The following PPM1L variants were observed in gnomAD, a reference collection of about 807,000 sequenced individuals.
PPM1L encodes protein phosphatase, Mg2+/Mn2+ dependent 1L.
PPM1L carries 13 observed loss-of-function variants against 31.4 expected under a neutral mutation model. That is an observed-to-expected ratio of 0.41 (90% confidence interval 0.27 to 0.66). PPM1L has a LOEUF of 0.66. Ranked by LOEUF, PPM1L falls within the 30% of genes least tolerant of loss-of-function variation. The probability of loss-of-function intolerance (pLI) is 0.29; values close to 1 mark genes in which losing one functional copy is unlikely to be tolerated. For missense variants in PPM1L, 326 were observed against 453.7 expected, an observed-to-expected ratio of 0.72 and a Z score of 2.56; for synonymous variants, 184 against 175.4, an observed-to-expected ratio of 1.05 and a Z score of -0.39.
chr3:160,811,196 G>A (rs146485733), intron 1 of PPM1L, among the ~76,000 whole-genome samples: 120 of 152,334 alleles, frequency 7.9e-4, no homozygotes, highest in Non-Finnish European at 1.5e-3. Flanking sequence ...GTCTAAGTAC[G>A]GGGCCACTTT....
intron 2 of PPM1L, among the ~76,000 whole-genome samples, chr3:161,013,996 T>C (rs1717985652): frequency 6.6e-6 from 1 of 152,238 alleles, no homozygotes; most frequent in Non-Finnish European, 1.5e-5. Context: ...TCTGTGTCTT[T>C]TAATTGGAGC....
chr3:160,813,366 G>A (rs1217007329), intron 1 of PPM1L, among the ~76,000 whole-genome samples: 2 of 151,828 alleles, frequency 1.3e-5, no homozygotes, highest in African/African-American at 4.8e-5. Flanking sequence ...TTGAGACAGA[G>A]CCTCACTCTG....
intron 2 of PPM1L, among the ~76,000 whole-genome samples, chr3:161,037,412 C>CTTT (rs59883046): frequency 0.013 from 1,323 of 99,430 alleles, 55 homozygotes; most frequent in Non-Finnish European, 0.017. Context: ...CCTACTTGAG[C>CTTT]TTTTTTTTTT....
At chr3:160,784,403 C>T (rs1405602342) in intron 1 of PPM1L, among the ~76,000 whole-genome samples, 1 of 152,092 alleles carries the variant, frequency 6.6e-6, no homozygotes, top group Non-Finnish European at 1.5e-5. Context: ...CATCTTCTAC[C>T]ATATGAATAG....
chr3:160,940,254 A>G (rs2108086706), intron 1 of PPM1L, among the ~76,000 whole-genome samples: 1 of 152,306 alleles, frequency 6.6e-6, no homozygotes, highest in East Asian at 1.9e-4. Flanking sequence ...CATTTGGAAA[A>G]TTTGGAGCCT....
chr3:160,853,994 C>A (rs1412621564), intron 1 of PPM1L, among the ~76,000 whole-genome samples: 2 of 152,262 alleles, frequency 1.3e-5, no homozygotes, highest in South Asian at 2.1e-4. Flanking sequence ...AGTCCCCACA[C>A]GTCGGTTGTA....
chr3:160,863,649 A>C (rs150391545), intron 1 of PPM1L, among the ~76,000 whole-genome samples: 1 of 152,166 alleles, frequency 6.6e-6, no homozygotes, highest in African/African-American at 2.4e-5. Flanking sequence ...GGGGCAGTCT[A>C]TCAAGTATGG....
intron 1 of PPM1L, among the ~76,000 whole-genome samples, chr3:160,799,389 A>G (rs1712355685): frequency 6.6e-6 from 1 of 152,218 alleles, no homozygotes; most frequent in Admixed American, 6.5e-5. Flanking sequence ...TTCATCAGTC[A>G]TTGAGGCAAA....
At chr3:160,762,793 A>T (rs1715002829) in intron 1 of PPM1L, among the ~76,000 whole-genome samples, 1 of 152,206 alleles carries the variant, frequency 6.6e-6, no homozygotes, top group African/African-American at 2.4e-5. Flanking sequence ...GCACCGTTGG[A>T]AGAAGGCAGG....
chr3:160,828,516 G>C (rs1353284639), intron 1 of PPM1L, among the ~76,000 whole-genome samples: 1 of 152,150 alleles, frequency 6.6e-6, no homozygotes, highest in African/African-American at 2.4e-5. Flanking sequence ...GTAAAACAGA[G>C]AGATAGACAA....
At chr3:161,040,055 T>A (rs1718865322) in intron 2 of PPM1L, among the ~76,000 whole-genome samples, 1 of 152,202 alleles carries the variant, frequency 6.6e-6, no homozygotes, top group African/African-American at 2.4e-5. Flanking sequence ...TGGGTTTGGA[T>A]GTGGAATGGG....
intron 2 of PPM1L, among the ~76,000 whole-genome samples, chr3:161,009,958 C>A (rs1203451285): frequency 6.6e-6 from 1 of 152,096 alleles, no homozygotes; most frequent in Non-Finnish European, 1.5e-5. Context: ...GTAGTTGTTT[C>A]AACTCCAAAT....
intron 1 of PPM1L, among the ~76,000 whole-genome samples, chr3:160,886,608 C>G (rs1292982601): frequency 6.6e-6 from 1 of 152,078 alleles, no homozygotes; most frequent in African/African-American, 2.4e-5. Flanking sequence ...CGCAGCAGCC[C>G]TACAGAAGAG....
rs547439501 is a variant in PPM1L at position 160,980,635 on chromosome 3, T to G, written c.574+18725T>G. ...GTGAGCTGTGATCATGCAATAGCAC[T>G]CCAGCCTGGGTGACAGAGTGAGACC... On this transcript the variant is annotated intron_variant, in intron 2 of 3. Coordinates refer to ENST00000498165, the MANE Select transcript of PPM1L (RefSeq NM_139245.4). 9.5e-5 allele frequency among the ~76,000 whole-genome samples: 14 copies of G among 147,120 alleles called. No individual in the cohort carries two copies. In the South Asian group the frequency reaches 2.8e-3, roughly 29 times the overall value.
At chr3:160,920,532 C>G (rs1026998359) in intron 1 of PPM1L, among the ~76,000 whole-genome samples, 4 of 150,048 alleles carry the variant, frequency 2.7e-5, no homozygotes, top group African/African-American at 9.8e-5. Flanking sequence ...CAAGGATAGA[C>G]GGTATATTTC....
At chr3:160,809,246 A>G (rs973760077) in intron 1 of PPM1L, among the ~76,000 whole-genome samples, 3 of 152,208 alleles carry the variant, frequency 2.0e-5, no homozygotes, top group African/African-American at 7.2e-5. Context: ...GGCCATTAAC[A>G]GTGCCATGAT....
At chr3:160,887,223 A>G (rs1712946950) in intron 1 of PPM1L, among the ~76,000 whole-genome samples, 1 of 152,108 alleles carries the variant, frequency 6.6e-6, no homozygotes, top group African/African-American at 2.4e-5. Context: ...AAAAGACTGA[A>G]ACTATGATTG....
At chr3:161,033,926 T>A (rs1426210694) in intron 2 of PPM1L, among the ~76,000 whole-genome samples, 4 of 152,082 alleles carry the variant, frequency 2.6e-5, no homozygotes, top group East Asian at 1.9e-4. Context: ...TGGGAGAAAA[T>A]TTTTGCAATC....
At chr3:160,948,428 A>G (rs960444794) in intron 1 of PPM1L, among the ~76,000 whole-genome samples, 26 of 152,150 alleles carry the variant, frequency 1.7e-4, no homozygotes, top group African/African-American at 6.0e-4. Context: ...GCAGCTTTCC[A>G]GGATTCAAAG....
Sources: allele counts gnomAD v4.1 joint callset (sites outside exome capture counted in the v4.1 genomes callset), GRCh38; gene constraint gnomAD v4.1.1; transcripts MANE v1.5; gene names NCBI Gene and HGNC (gene_info 2026-07-23, HGNC 2026-07-21).